SYNE1: variants seen among roughly 807,000 people sequenced by gnomAD.
SYNE1 encodes the protein spectrin repeat containing nuclear envelope protein 1.
In SYNE1, 616 loss-of-function variants were observed where a neutral mutation model predicts 1,111.0. The ratio of observed to expected loss-of-function variants is 0.55; its 90% CI spans 0.52 to 0.59. The LOEUF is 0.59. SYNE1 is among the 20% of genes least tolerant of loss of function. The probability of loss-of-function intolerance (pLI) is 0.00; values close to 1 mark genes in which losing one functional copy is unlikely to be tolerated. For missense variants in SYNE1, 10,006 were observed against 10,417.0 expected, an observed-to-expected ratio of 0.96 and a Z score of 1.72; for synonymous variants, 3,855 against 3,825.8, an observed-to-expected ratio of 1.01 and a Z score of -0.28.
intron 105 of SYNE1, among the ~76,000 whole-genome samples, chr6:152,246,577 G>T (rs2087224984): frequency 6.6e-6 from 1 of 152,110 alleles, no homozygotes; most frequent in African/African-American, 2.4e-5. Context: ...ACAGTTCAAG[G>T]GTTGAACCCG....
intron 29 of SYNE1, among the ~76,000 whole-genome samples, chr6:152,446,723 T>A (rs1386520748): frequency 1.3e-5 from 2 of 152,148 alleles, no homozygotes; most frequent in African/African-American, 4.8e-5. Flanking sequence ...AAACTTAGAT[T>A]TATATAAAAA....
intron 119 of SYNE1, among the ~76,000 whole-genome samples, chr6:152,220,371 G>A (rs1216535545): frequency 6.6e-6 from 1 of 152,104 alleles, no homozygotes; most frequent in Non-Finnish European, 1.5e-5. Flanking sequence ...TTATTAAAAA[G>A]CCATTAAAAG....
intron 98 of SYNE1, chr6:152,277,410 T>A (rs1056847805): frequency 2.0e-5 from 3 of 151,832 alleles, no homozygotes; most frequent in African/African-American, 7.3e-5. Flanking sequence ...CCCGAGTAAC[T>A]GAGATTACAG....
rs377128557 is a variant in SYNE1, at chr6:152,458,705, T to A, written c.2568+52A>T. ...TCTATTCCTGTAAGCAACACCCTGG[T>A]CTTGTTACACATGCTTTAGAATAAT... On this transcript the variant is annotated intron_variant, in intron 22 of 145. Transcript: ENST00000367255. The A allele has an allele frequency of 3.2e-6, 5 of 1,585,062 alleles. No homozygotes were observed. In the African/African-American group the frequency reaches 5.4e-5, roughly 17 times the overall value.
chr6:152,613,718 C>G (rs181807440), intron 3 of SYNE1, among the ~76,000 whole-genome samples: 13 of 152,270 alleles, frequency 8.5e-5, no homozygotes, highest in African/African-American at 2.9e-4. Flanking sequence ...AGGCATCATG[C>G]TACCTGACTT....
At chr6:152,289,894 G>A (rs1343740019) in intron 95 of SYNE1, among the ~76,000 whole-genome samples, 1 of 150,596 alleles carries the variant, frequency 6.6e-6, no homozygotes, top group Non-Finnish European at 1.5e-5. Flanking sequence ...CCAAAGTGCT[G>A]GGATTACAGG....
At chr6:152,215,434 A>G (rs1004279447) in intron 121 of SYNE1, among the ~76,000 whole-genome samples, 26 of 152,236 alleles carry the variant, frequency 1.7e-4, no homozygotes, top group Admixed American at 6.5e-4. Flanking sequence ...ATTATATTAC[A>G]TATACTATTT....
chr6:152,632,305 A>G (rs2129017453), intron 2 of SYNE1, among the ~76,000 whole-genome samples: 1 of 152,316 alleles, frequency 6.6e-6, no homozygotes, highest in Non-Finnish European at 1.5e-5. Context: ...CTTCCTCTTC[A>G]ATGCAAAAAA....
At chr6:152,326,961 T>C (rs1033224390) in intron 78 of SYNE1, among the ~76,000 whole-genome samples, 2 of 152,188 alleles carry the variant, frequency 1.3e-5, no homozygotes, top group Admixed American at 6.5e-5. Context: ...GCAGACTGGA[T>C]GTTTATCAAA....
chr6:152,336,556 G>T, intron 76 of SYNE1: 1 of 468,758 alleles, frequency 2.1e-6, no homozygotes, highest in South Asian at 2.0e-5. Flanking sequence ...GTTCACAGTA[G>T]GGTTTGCACT....
chr6:152,539,734 A>C (rs1310459060), intron 4 of SYNE1, among the ~76,000 whole-genome samples: 1 of 152,200 alleles, frequency 6.6e-6, no homozygotes, highest in African/African-American at 2.4e-5. Flanking sequence ...GATTCACAGA[A>C]TTGACATGAA....
chr6:152,427,978 TTGTGTCCCTGCACTCA>T (rs529785070), intron 37 of SYNE1, among the ~76,000 whole-genome samples, 162 bp from the exon 38 acceptor site: 5 of 152,294 alleles, frequency 3.3e-5, no homozygotes, highest in African/African-American at 1.2e-4. Flanking sequence ...TTATTTTCAT[TTGTGTCCCTGCACTCA>T]CATTTATATT....
intron 117 of SYNE1, among the ~76,000 whole-genome samples, 164 bp from the exon 118 acceptor site, chr6:152,221,723 A>G (rs995764953): frequency 6.6e-6 from 1 of 152,194 alleles, no homozygotes; most frequent in African/African-American, 2.4e-5. Context: ...ATAATCATTT[A>G]TTCTCTTTTG....
chr6:152,311,925 A>G lies in SYNE1; in HGVS notation c.16711-1052T>C, dbSNP rs115182900. ...CGAGCAGCTGGGACTACACGCACCC[A>G]GGTGCCCGCCACCACGCCTGGCTAA... On this transcript the variant is annotated intron_variant, in intron 87 of 145. Coordinates refer to ENST00000367255, the MANE Select transcript of SYNE1 (RefSeq NM_182961.4). 8.4e-3 allele frequency among the ~76,000 whole-genome samples: 1,279 copies of G among 152,104 alleles called. 14 individuals are homozygous for G. The highest frequency in any genetic ancestry group is 0.03 in the African/African-American group (1,225 of 41,514).
At position 152,510,273 on chromosome 6, in the gene SYNE1, T is replaced by C; in HGVS notation, c.501A>G (p.Pro167=). The part of the protein sequence containing the change: ...SIVSSETPSP[P]SKRKVTTKIQ... The stretch of plus-strand genomic sequence containing the variant: ...TCTTGGTGGTCACCTTCCGTTTACT[T>C]GGTGGGCTGGGAGTCTCAGAGCTAA... The change falls in exon 8 of 146, where the codon CCA becomes CCG. Residue 167 remains proline, a synonymous_variant. Coordinates refer to ENST00000367255, the MANE Select transcript of SYNE1 (RefSeq NM_182961.4). 1 of 1,614,058 alleles carries C rather than the reference T, an allele frequency of 6.2e-7. No individual in the cohort carries two copies. The highest frequency in any genetic ancestry group is 8.5e-7 in the Non-Finnish European group (1 of 1,179,986).
chr6:152,167,255 T>C (rs1448768484), intron 130 of SYNE1, among the ~76,000 whole-genome samples: 1 of 152,206 alleles, frequency 6.6e-6, no homozygotes, highest in Non-Finnish European at 1.5e-5. Flanking sequence ...AATATGTATA[T>C]ACGTACTTAC....
At chr6:152,283,824 C>T (rs2094168420) in intron 96 of SYNE1, among the ~76,000 whole-genome samples, 154 bp downstream of exon 96, 1 of 152,128 alleles carries the variant, frequency 6.6e-6, no homozygotes, top group African/African-American at 2.4e-5. Context: ...TGTGAACCAC[C>T]CCTCCCGGCC....
At chr6:152,448,842 AAAC>A (rs1172499048) in intron 28 of SYNE1, among the ~76,000 whole-genome samples, 25 of 105,176 alleles carry the variant, frequency 2.4e-4, no homozygotes, top group African/African-American at 1.1e-3. Flanking sequence ...TTGTCTCAAA[AAAC>A]AAACAAACAA....
At chr6:152,240,195 G>A (rs1476912112) in intron 107 of SYNE1, among the ~76,000 whole-genome samples, 1 of 152,188 alleles carries the variant, frequency 6.6e-6, no homozygotes, top group Non-Finnish European at 1.5e-5. Context: ...GAAACACAGG[G>A]AAAGGTAGAG....
Sources: gnomAD v4.1 joint callset for allele counts (sites outside exome capture counted in the v4.1 genomes callset) on GRCh38, gnomAD v4.1.1 for gene constraint, MANE v1.5 for transcripts, NCBI Gene and HGNC (gene_info 2026-07-23, HGNC 2026-07-21) for gene names.